CTNNA3: variants seen among roughly 807,000 people sequenced by gnomAD.
CTNNA3 encodes the protein catenin alpha 3.
Under a neutral mutation model 95.7 loss-of-function variants are expected in CTNNA3, and 76 were observed. That is an observed-to-expected ratio of 0.79 (90% CI 0.66 to 0.96). The LOEUF is 0.96. CTNNA3 is among the 40% of genes least tolerant of loss of function. CTNNA3 has a pLI of 0.00. For missense variants in CTNNA3, 1,191 were observed against 1,089.8 expected, an observed-to-expected ratio of 1.09 and a Z score of -1.31; for synonymous variants, 431 against 374.4, an observed-to-expected ratio of 1.15 and a Z score of -1.74.
At chr10:67,252,393 C>A (rs1215878161) in intron 5 of CTNNA3, among the ~76,000 whole-genome samples, 2 of 152,078 alleles carry the variant, frequency 1.3e-5, no homozygotes, top group African/African-American at 4.8e-5. Context: ...TAATAACAAA[C>A]CCTATATGTA....
intron 5 of CTNNA3, among the ~76,000 whole-genome samples, chr10:67,372,182 A>G (rs370879459): frequency 2.6e-5 from 4 of 151,752 alleles, no homozygotes; most frequent in East Asian, 1.9e-4. Context: ...TAGGTTGCCT[A>G]TTCACTCTGA....
At chr10:66,204,612 G>A (rs1270711490) in intron 13 of CTNNA3, among the ~76,000 whole-genome samples, 1 of 152,142 alleles carries the variant, frequency 6.6e-6, no homozygotes, top group Non-Finnish European at 1.5e-5. Flanking sequence ...ACCTATAAAT[G>A]ACGAGTATCC....
At chr10:67,025,193 C>T (rs1209980113) in intron 7 of CTNNA3, among the ~76,000 whole-genome samples, 1 of 149,024 alleles carries the variant, frequency 6.7e-6, no homozygotes, top group Non-Finnish European at 1.5e-5. Context: ...AAAGAAACCA[C>T]AAGAAATATT....
chr10:66,080,236 CATTT>C (rs1457711697), intron 14 of CTNNA3, among the ~76,000 whole-genome samples: 1 of 152,088 alleles, frequency 6.6e-6, no homozygotes, highest in Non-Finnish European at 1.5e-5. Context: ...CTACTGCATT[CATTT>C]GAGAGTGATC....
chr10:67,211,046 T>A (rs1056980468), intron 6 of CTNNA3, among the ~76,000 whole-genome samples: 2 of 152,218 alleles, frequency 1.3e-5, no homozygotes, highest in East Asian at 3.8e-4. Flanking sequence ...TGATTTATGG[T>A]ATTCTTATCT....
At chr10:66,732,638 C>T (rs779678607) in intron 9 of CTNNA3, among the ~76,000 whole-genome samples, 1 of 152,052 alleles carries the variant, frequency 6.6e-6, no homozygotes, top group Admixed American at 6.5e-5. Context: ...AATTCAGTCA[C>T]TATTACGAGA....
intron 3 of CTNNA3, among the ~76,000 whole-genome samples, chr10:67,559,804 A>C (rs1037599592): frequency 3.3e-5 from 5 of 152,200 alleles, no homozygotes; most frequent in African/African-American, 9.7e-5. Context: ...GAGCTAATGG[A>C]GCTGAAAACC....
intron 15 of CTNNA3, among the ~76,000 whole-genome samples, chr10:66,041,637 A>G (rs995582260): frequency 6.6e-6 from 1 of 152,194 alleles, no homozygotes; most frequent in Non-Finnish European, 1.5e-5. Context: ...CGATGTTGAC[A>G]ATACCTTGCA....
At chr10:67,176,962 A>G (rs1354405478) in intron 7 of CTNNA3, 1 of 506,202 alleles carries the variant, frequency 2.0e-6, no homozygotes, top group South Asian at 1.5e-5. Context: ...AGTGAGGCCC[A>G]GGTCAGACTT....
chr10:66,473,712 G>C (rs750871730), intron 11 of CTNNA3, among the ~76,000 whole-genome samples: 6 of 151,904 alleles, frequency 3.9e-5, no homozygotes, highest in Non-Finnish European at 7.4e-5. Context: ...TCCCCTTCCT[G>C]TGTCCAAGTG....
intron 5 of CTNNA3, among the ~76,000 whole-genome samples, chr10:67,365,996 A>C (rs1201902757): frequency 6.6e-6 from 1 of 152,224 alleles, no homozygotes; most frequent in South Asian, 2.1e-4. Context: ...ACAATGATAG[A>C]CTGGATTAAG....
intron 3 of CTNNA3, among the ~76,000 whole-genome samples, chr10:67,545,052 A>T (rs185635312): frequency 3.5e-4 from 51 of 145,138 alleles, no homozygotes; most frequent in East Asian, 2.5e-3. Context: ...ATTAAAAAAA[A>T]TTTTTTCATA....
In CTNNA3 at chr10:67,647,403, T is replaced by A. The variant is rs748270732; in HGVS notation, c.99+12A>T. 13 of 1,575,702 alleles carry A rather than the reference T, an allele frequency of 8.3e-6. No individual in the cohort carries two copies. The highest frequency in any genetic ancestry group is 1.1e-5 in the Non-Finnish European group (13 of 1,152,508). On this transcript the variant is annotated intron_variant, in intron 2 of 17. Coordinates refer to ENST00000433211, the MANE Select transcript of CTNNA3 (RefSeq NM_013266.4). ...CAGTTACTATATATCATAATTTCCA[T>A]GGTATTAATACCTGGATTATGAGAG... is the stretch of plus-strand genomic sequence containing the variant.
intron 1 of CTNNA3, among the ~76,000 whole-genome samples, chr10:67,748,874 A>G (rs1266152669): frequency 1.3e-5 from 2 of 152,212 alleles, no homozygotes; most frequent in African/African-American, 4.8e-5. Context: ...GTGCAAAGAC[A>G]CACATAATTG....
At chr10:67,613,037 G>A (rs769848748) in intron 2 of CTNNA3, among the ~76,000 whole-genome samples, 2 of 152,188 alleles carry the variant, frequency 1.3e-5, no homozygotes, top group South Asian at 2.1e-4. Context: ...TACAAGCAAA[G>A]TCCAAACTCT....
At chr10:66,281,311 C>T (rs774034479) in intron 12 of CTNNA3, among the ~76,000 whole-genome samples, 8 of 151,796 alleles carry the variant, frequency 5.3e-5, no homozygotes, top group African/African-American at 9.7e-5. Context: ...CAAATAAAAA[C>T]GCTTCTTCAA....
intron 12 of CTNNA3, among the ~76,000 whole-genome samples, chr10:66,303,801 G>A (rs1486998537): frequency 6.6e-6 from 1 of 152,068 alleles, no homozygotes; most frequent in Non-Finnish European, 1.5e-5. Context: ...CACCGTGTTA[G>A]CCAGGATGGT....
chr10:66,436,870 T>C (rs924766557), intron 11 of CTNNA3, among the ~76,000 whole-genome samples: 1 of 152,198 alleles, frequency 6.6e-6, no homozygotes, highest in Non-Finnish European at 1.5e-5. Flanking sequence ...GGAGCTCTTG[T>C]AAGGCAGACC....
chr10:67,696,713 CAAA>C (rs80303065), upstream of CTNNA3, among the ~76,000 whole-genome samples: 1 of 148,172 alleles, frequency 6.7e-6, no homozygotes, highest in African/African-American at 2.5e-5. Context: ...TTTAAGCCAC[CAAA>C]AAAAAAAGTC....
Sources: allele counts gnomAD v4.1 joint callset (sites outside exome capture counted in the v4.1 genomes callset), GRCh38; gene constraint gnomAD v4.1.1; transcripts MANE v1.5; gene names NCBI Gene and HGNC (gene_info 2026-07-23, HGNC 2026-07-21).